Variants in IL5RA observed in about 807,000 individuals in gnomAD.
IL5RA encodes the protein interleukin 5 receptor subunit alpha.
Under a neutral mutation model 50.0 loss-of-function variants are expected in IL5RA, and 49 were observed. The ratio of observed to expected loss-of-function variants is 0.98; its 90% CI spans 0.78 to 1.24. IL5RA has a LOEUF of 1.24. Ranked by LOEUF, IL5RA falls within the 50% of genes most tolerant of loss-of-function variation. The pLI, the probability that IL5RA is intolerant of heterozygous loss-of-function variation, is 0.00. For synonymous variants in IL5RA, 202 were observed against 174.0 expected (o/e 1.16, Z -1.26); for missense variants, 600 against 500.4 (o/e 1.20, Z -1.90).
intron 9 of IL5RA, chr3:3,091,907 A>G: frequency 1.2e-6 from 1 of 853,098 alleles, no homozygotes; most frequent in South Asian, 5.2e-5. Flanking sequence ...TTCTTCCCAC[A>G]GCTTGTGAGT....
At chr3:3,101,457 C>G (rs1190619321) in intron 5 of IL5RA, among the ~76,000 whole-genome samples, 2 of 152,168 alleles carry the variant, frequency 1.3e-5, no homozygotes, top group Non-Finnish European at 2.9e-5. Flanking sequence ...CACCAACTTT[C>G]CACTGGAGGC....
intron 8 of IL5RA, among the ~76,000 whole-genome samples, chr3:3,094,211 T>C (rs1354691775): frequency 1.3e-5 from 2 of 152,206 alleles, no homozygotes; most frequent in Non-Finnish European, 2.9e-5. Flanking sequence ...GTCACCAATG[T>C]TCAACACTCT....
Position 3,102,657 on chromosome 3 carries a change from A to G in IL5RA, c.228+18T>C, listed in dbSNP as rs746074423. On this transcript the variant is annotated intron_variant, in intron 4 of 11. Transcript: ENST00000446632. ...ATATTTATTCTCAATAAGGATATCC[A>G]TTAGAATAAACACTTACGTCATCTT... 6 of 1,520,228 alleles carry G rather than the reference A, an allele frequency of 3.9e-6. No individual in the cohort carries two copies. Among genetic ancestry groups the G allele is most frequent in the Admixed American group, 1.9e-5 (1 of 52,012 alleles). The allele number at this position is 1,520,228 out of a possible 1,614,324, so 94.2% of individuals were successfully genotyped here. A position where few individuals can be genotyped will look rare whatever the true frequency, so the allele number is the denominator to read the frequency against.
chr3:3,085,736 C>A (rs1045623447), intron 9 of IL5RA, among the ~76,000 whole-genome samples: 2 of 152,144 alleles, frequency 1.3e-5, no homozygotes, highest in South Asian at 4.1e-4. Flanking sequence ...TTGCCATAGG[C>A]CACCCTGATA....
intron 9 of IL5RA, among the ~76,000 whole-genome samples, chr3:3,083,165 C>T (rs940267603): frequency 6.6e-6 from 1 of 152,188 alleles, no homozygotes. Context: ...ACATCCCAAA[C>T]CAGATCACAG....
intron 5 of IL5RA, among the ~76,000 whole-genome samples, chr3:3,098,750 T>C (rs1176208063): frequency 2.6e-5 from 4 of 152,144 alleles, no homozygotes; most frequent in African/African-American, 9.7e-5. Flanking sequence ...AAGGCCAACT[T>C]ACTGGAGATA....
At position 3,101,792 on chromosome 3, in the gene IL5RA, G is replaced by T; in HGVS notation, c.267C>A (p.Ile89=). ...CACTTGCTGAAAAGCCTTTGTGGAG[G>T]ATGGTTACACATTTGCTTTCAGTGA... ...TRITESKCVT[I]LHKGFSASVR... The change falls in exon 5 of 12, where the codon ATC becomes ATA. Residue 89 remains isoleucine (I), a synonymous_variant. Transcript: ENST00000446632. 1 of 1,614,004 alleles carries T rather than the reference G, an allele frequency of 6.2e-7. No homozygotes were observed. Among genetic ancestry groups the T allele is most frequent in the Non-Finnish European group, 8.5e-7 (1 of 1,179,956 alleles).
At position 3,104,763 on chromosome 3, in the gene IL5RA, G is replaced by A. The variant is rs150919984; in HGVS notation, c.82+140C>T. ...AAAATATGGCATGTTTAAAGCATCT[G>A]TCTTCTGATGGGGATAAATATTGTC... is the stretch of plus-strand genomic sequence containing the variant. On this transcript the variant is annotated intron_variant, in intron 3 of 11. Coordinates refer to ENST00000446632, the MANE Select transcript of IL5RA (RefSeq NM_175726.4). 38 of 488,640 alleles carry A rather than the reference G, an allele frequency of 7.8e-5. No homozygotes were observed. The East Asian group carries it at 1.1e-3, about 14-fold the overall frequency. 30.3% of individuals were successfully genotyped at this position (488,640 alleles called of 1,614,324 possible). A position where few individuals can be genotyped will look rare whatever the true frequency, so the allele number is the denominator to read the frequency against.
At chr3:3,096,216 T>C (rs1407356745) in intron 7 of IL5RA, among the ~76,000 whole-genome samples, 1 of 150,604 alleles carries the variant, frequency 6.6e-6, no homozygotes, top group Non-Finnish European at 1.5e-5. Flanking sequence ...AGGCGGAGCT[T>C]GCAGTGAGCC....
intron 11 of IL5RA, among the ~76,000 whole-genome samples, chr3:3,071,473 AT>A (rs1263327801): frequency 6.6e-6 from 1 of 152,020 alleles, no homozygotes; most frequent in African/African-American, 2.4e-5. Flanking sequence ...AAATAAGTAA[AT>A]TATCAGAAAA....
intron 7 of IL5RA, among the ~76,000 whole-genome samples, chr3:3,097,384 C>T (rs981614828): frequency 5.3e-5 from 8 of 151,808 alleles, no homozygotes; most frequent in African/African-American, 1.9e-4. Flanking sequence ...AGGGAAGGGA[C>T]TCAAATCACC....
chr3:3,068,609 CAA>C lies in IL5RA; in HGVS notation c.*1614_*1615del, dbSNP rs1297513765. Reference sequence around the variant, plus strand: ...CCACAAAAAAAAAAAAAAAAAAAAACAAAAACAGGTTTGAGATTATGAATCAT... The same window carrying C: ...CCACAAAAAAAAAAAAAAAAAAAAACAAACAGGTTTGAGATTATGAATCAT... On this transcript the variant is annotated 3_prime_UTR_variant, in exon 12 of 12. Transcript: ENST00000446632. 9.0e-5 allele frequency: 5 copies of C among 55,430 alleles called. No homozygotes were observed. In the Admixed American group the frequency reaches 9.9e-4, roughly 11 times the overall value. The allele number at this position is 55,430 out of a possible 1,614,324, so 3.4% of individuals were successfully genotyped here. A position where few individuals can be genotyped will look rare whatever the true frequency, so the allele number is the denominator to read the frequency against.
rs773592827 is a variant in IL5RA at position 3,104,886 on chromosome 3, G to C, written c.82+17C>G. 1 of 1,492,424 alleles carries C rather than the reference G, an allele frequency of 6.7e-7. No individual in the cohort carries two copies. Among genetic ancestry groups the C allele is most frequent in the South Asian group, 1.2e-5 (1 of 86,716 alleles). 92.4% of individuals were successfully genotyped at this position (1,492,424 alleles called of 1,614,324 possible). ...TTTTAAAAATAAACATTATTGAATT[G>C]AATAGAAGGTCCTTACTCTTTTCAT... On this transcript the variant is annotated intron_variant, in intron 3 of 11. Coordinates refer to ENST00000446632, the MANE Select transcript of IL5RA (RefSeq NM_175726.4).
intron 9 of IL5RA, among the ~76,000 whole-genome samples, chr3:3,089,385 C>A (rs958849509): frequency 1.3e-5 from 2 of 152,200 alleles, no homozygotes; most frequent in Non-Finnish European, 2.9e-5. Context: ...CTTTCCCAGT[C>A]TTCAGTGGAA....
intron 9 of IL5RA, among the ~76,000 whole-genome samples, chr3:3,079,714 C>T (rs747912452): frequency 1.3e-5 from 2 of 152,172 alleles, no homozygotes; most frequent in African/African-American, 4.8e-5. Context: ...TGTACACATA[C>T]CTTTAATAAA....
chr3:3,072,570 C>G (rs971635580), intron 11 of IL5RA, among the ~76,000 whole-genome samples: 2 of 152,128 alleles, frequency 1.3e-5, no homozygotes, highest in South Asian at 4.2e-4. Context: ...AAATTAGATA[C>G]CAGCATTAAG....
At chr3:3,073,579 G>A (rs934973447) in intron 11 of IL5RA, among the ~76,000 whole-genome samples, 9 of 152,148 alleles carry the variant, frequency 5.9e-5, no homozygotes, top group South Asian at 2.1e-4. Flanking sequence ...CTAAATAACC[G>A]TTCACCTTAA....
chr3:3,069,911 A>G lies in IL5RA; in HGVS notation c.*314T>C. On this transcript the variant is annotated 3_prime_UTR_variant, in exon 12 of 12. Coordinates refer to ENST00000446632, the MANE Select transcript of IL5RA (RefSeq NM_175726.4). ...TAGCCTTAAAAGCTGTCTGTTGTGAATGAAAAGTCTGAGGTGAGTCAAGCA... is the reference window on the plus strand; with the variant it reads ...TAGCCTTAAAAGCTGTCTGTTGTGAGTGAAAAGTCTGAGGTGAGTCAAGCA... 4.4e-6 allele frequency: 1 copy of G among 229,504 alleles called. No individual in the cohort carries two copies. The highest frequency in any genetic ancestry group is 8.4e-6 in the Non-Finnish European group (1 of 118,990). The allele number at this position is 229,504 out of a possible 1,614,324, so 14.2% of individuals were successfully genotyped here.
chr3:3,093,383 T>C (rs978023507), intron 8 of IL5RA, among the ~76,000 whole-genome samples: 1 of 152,224 alleles, frequency 6.6e-6, no homozygotes, highest in Non-Finnish European at 1.5e-5. Flanking sequence ...GACTGCAATT[T>C]GGAAGTTTTG....
Sources: gnomAD v4.1 joint callset for allele counts (sites outside exome capture counted in the v4.1 genomes callset) on GRCh38, gnomAD v4.1.1 for gene constraint, MANE v1.5 for transcripts, NCBI Gene and HGNC (gene_info 2026-07-23, HGNC 2026-07-21) for gene names.